The following ACVR2A variants were observed in gnomAD, a reference collection of about 807,000 sequenced individuals.
ACVR2A encodes the protein activin A receptor type 2A.
A neutral mutation model predicts 61.4 loss-of-function variants in ACVR2A; 7 were observed. The observed-to-expected ratio is 0.11, with a 90% CI of 0.06 to 0.21. The LOEUF (loss-of-function observed/expected upper bound fraction) is 0.21. Among genes scored for constraint, ACVR2A ranks in the 10% least tolerant of loss-of-function variants. The probability of loss-of-function intolerance (pLI) is 1.00; values close to 1 mark genes in which losing one functional copy is unlikely to be tolerated. For missense variants in ACVR2A, 322 were observed against 621.7 expected, an observed-to-expected ratio of 0.52 and a Z score of 5.13; for synonymous variants, 193 against 208.3, an observed-to-expected ratio of 0.93 and a Z score of 0.63.
intron 1 of ACVR2A, among the ~76,000 whole-genome samples, chr2:147,858,534 T>C (rs1016733731): frequency 3.3e-5 from 5 of 152,206 alleles, no homozygotes; most frequent in Non-Finnish European, 4.4e-5. Flanking sequence ...TGCTTTTTAT[T>C]CCTCTGAGCT....
rs1687349816 is a variant in ACVR2A, at chr2:147,920,349, G to A, written c.1077+5G>A. On this transcript the variant is annotated splice_donor_5th_base_variant and intron_variant, in intron 8 of 10. Coordinates refer to ENST00000241416, the MANE Select transcript of ACVR2A (RefSeq NM_001616.5). ...GCAGGCGATACCCATGGACAGGTAA[G>A]GATGATGATTATAAAATGTAAGAAA... 6.3e-7 allele frequency: 1 copy of A among 1,590,004 alleles called. No homozygotes were observed. The highest frequency in any genetic ancestry group is 1.4e-5 in the African/African-American group (1 of 74,022).
At chr2:147,921,846 A>G (rs970104793) in intron 8 of ACVR2A, among the ~76,000 whole-genome samples, 4 of 152,142 alleles carry the variant, frequency 2.6e-5, no homozygotes, top group African/African-American at 9.7e-5. Flanking sequence ...GGGTTTTATG[A>G]TTAGTTAAAA....
At chr2:147,866,828 A>G (rs1685868158) in intron 1 of ACVR2A, among the ~76,000 whole-genome samples, 1 of 152,212 alleles carries the variant, frequency 6.6e-6, no homozygotes, top group African/African-American at 2.4e-5. Context: ...AATAAGTAGT[A>G]GAGGTAGATC....
intron 1 of ACVR2A, among the ~76,000 whole-genome samples, chr2:147,890,603 C>A (rs1345992379): frequency 2.0e-5 from 3 of 151,978 alleles, no homozygotes; most frequent in East Asian, 1.9e-4. Context: ...TTATTTATTT[C>A]TTTTGAAAAT....
chr2:147,926,389 C>T (rs187547457), intron 10 of ACVR2A, among the ~76,000 whole-genome samples: 39 of 151,946 alleles, frequency 2.6e-4, no homozygotes, highest in African/African-American at 9.2e-4. Flanking sequence ...TGGTCCTGTG[C>T]AGAAGATTGT....
intron 3 of ACVR2A, 86 bp from the exon 4 acceptor site, chr2:147,899,657 CT>C: frequency 6.3e-7 from 1 of 1,586,524 alleles, no homozygotes. Flanking sequence ...GCCCCTACCT[CT>C]TCCCCAAAAT....
intron 1 of ACVR2A, among the ~76,000 whole-genome samples, chr2:147,868,954 T>C (rs1685944219): frequency 6.6e-6 from 1 of 152,028 alleles, no homozygotes; most frequent in Admixed American, 6.6e-5. Context: ...TCAGTTTCCT[T>C]CCTAAAGATA....
chr2:147,893,297 G>A (rs147480343), intron 1 of ACVR2A, among the ~76,000 whole-genome samples: 203 of 152,282 alleles, frequency 1.3e-3, no homozygotes, highest in African/African-American at 4.6e-3. Context: ...GGACATAGGA[G>A]TGTTTTTAGT....
At chr2:147,848,372 A>G (rs1407642668) in intron 1 of ACVR2A, among the ~76,000 whole-genome samples, 1 of 152,116 alleles carries the variant, frequency 6.6e-6, no homozygotes, top group Non-Finnish European at 1.5e-5. Context: ...ACTTCCCCAG[A>G]TCCCCATCCA....
chr2:147,896,234 A>G (rs1466108236), intron 1 of ACVR2A, 67 bp from the exon 2 acceptor site: 8 of 1,415,518 alleles, frequency 5.7e-6, no homozygotes, highest in East Asian at 2.3e-5. Flanking sequence ...TAAAGTTGCT[A>G]TCTTGGGAAA....
At position 147,930,401 on chromosome 2, in the gene ACVR2A, T is replaced by C. The variant is rs957642576; in HGVS notation, c.*3127T>C. The C allele has an allele frequency of 6.6e-6, 1 of 151,586 alleles. No homozygotes were observed. Among genetic ancestry groups the C allele is most frequent in the African/African-American group, 2.4e-5 (1 of 41,162 alleles). The allele number at this position is 151,586 out of a possible 1,614,324, so 9.4% of individuals were successfully genotyped here. On this transcript the variant is annotated 3_prime_UTR_variant, in exon 11 of 11. Coordinates refer to ENST00000241416, the MANE Select transcript of ACVR2A (RefSeq NM_001616.5). ...GAAAGAAGCTTCATCACAGATACTT[T>C]CCAGTTTCTCTTTTATACTTTTTTG...
chr2:147,845,246 C>A, intron 1 of ACVR2A, 39 bp downstream of exon 1: 1 of 1,584,538 alleles, frequency 6.3e-7, no homozygotes, highest in Non-Finnish European at 8.6e-7. Context: ...GCTGCTCCTG[C>A]GGCCGCGGCG....
chr2:147,928,512 A>AAAC lies in ACVR2A; in HGVS notation c.*1239_*1241dup, dbSNP rs1321799669. 3.9e-5 allele frequency: 6 copies of AAAC among 152,246 alleles called. No homozygotes were observed. Among genetic ancestry groups the AAAC allele is most frequent in the Non-Finnish European group, 4.4e-5 (3 of 67,898 alleles). 9.4% of individuals were successfully genotyped at this position (152,246 alleles called of 1,614,324 possible). Reference sequence around the variant, plus strand: ...AGAATTATCCTAGGATAAAGATATTAAACTTTAAGCAGATTTCAGATGTTA... The same window carrying AAAC: ...AGAATTATCCTAGGATAAAGATATTAAACAACTTTAAGCAGATTTCAGATGTTA... On this transcript the variant is annotated 3_prime_UTR_variant, in exon 11 of 11. Transcript: ENST00000241416.
intron 1 of ACVR2A, among the ~76,000 whole-genome samples, chr2:147,848,281 T>G (rs1447986133): frequency 6.6e-6 from 1 of 152,134 alleles, no homozygotes; most frequent in Non-Finnish European, 1.5e-5. Flanking sequence ...AACAAAATTC[T>G]CCCTCCATTC....
chr2:147,846,072 A>G (rs1685306111), intron 1 of ACVR2A, among the ~76,000 whole-genome samples: 1 of 152,166 alleles, frequency 6.6e-6, no homozygotes, highest in South Asian at 2.1e-4. Context: ...AGGACGTTCT[A>G]TGGTTGCAAC....
intron 1 of ACVR2A, among the ~76,000 whole-genome samples, chr2:147,850,900 T>C (rs972151499): frequency 8.5e-5 from 13 of 152,090 alleles, no homozygotes; most frequent in African/African-American, 3.1e-4. Flanking sequence ...TTTGAACTGT[T>C]AGAGTGGTGG....
intron 1 of ACVR2A, among the ~76,000 whole-genome samples, chr2:147,882,500 G>A (rs374598383): frequency 6.6e-6 from 1 of 152,180 alleles, no homozygotes; most frequent in East Asian, 1.9e-4. Context: ...GTAGTGAGCC[G>A]CTAAGATTGG....
chr2:147,855,247 T>C (rs1685542623), intron 1 of ACVR2A, among the ~76,000 whole-genome samples: 1 of 152,182 alleles, frequency 6.6e-6, no homozygotes, highest in Non-Finnish European at 1.5e-5. Context: ...GTGTGACTTT[T>C]TCTTAATACT....
intron 4 of ACVR2A, among the ~76,000 whole-genome samples, chr2:147,902,668 G>T (rs1686898622): frequency 6.6e-6 from 1 of 151,886 alleles, no homozygotes; most frequent in African/African-American, 2.4e-5. Flanking sequence ...TTAGAATAGG[G>T]TTTATAAACA....
Sources: allele counts gnomAD v4.1 joint callset (sites outside exome capture counted in the v4.1 genomes callset), GRCh38; gene constraint gnomAD v4.1.1; transcripts MANE v1.5; gene names NCBI Gene and HGNC (gene_info 2026-07-23, HGNC 2026-07-21).